The following NFAT5 variants were observed in gnomAD, a reference collection of about 807,000 sequenced individuals.
NFAT5 encodes the protein nuclear factor of activated T-cells 5.
A neutral mutation model predicts 166.5 loss-of-function variants in NFAT5; 31 were observed. The ratio of observed to expected loss-of-function variants is 0.19; its 90% CI spans 0.14 to 0.25. NFAT5 has a LOEUF of 0.25. Among genes scored for constraint, NFAT5 ranks in the 10% least tolerant of loss-of-function variants. The pLI, the probability that NFAT5 is intolerant of heterozygous loss-of-function variation, is 1.00. For synonymous variants in NFAT5, 612 were observed against 639.7 expected, an observed-to-expected ratio of 0.96 and a Z score of 0.65; for missense variants, 1,449 against 1,821.8, an observed-to-expected ratio of 0.80 and a Z score of 3.72.
chr16:69,652,317 T>G (rs1489539208), intron 4 of NFAT5, among the ~76,000 whole-genome samples: 1 of 152,018 alleles, frequency 6.6e-6, no homozygotes, highest in Non-Finnish European at 1.5e-5. Context: ...CTGGGCTTGG[T>G]GGCACACGCC....
chr16:69,601,959 C>T (rs1348383003), intron 2 of NFAT5, among the ~76,000 whole-genome samples: 1 of 152,090 alleles, frequency 6.6e-6, no homozygotes, highest in Non-Finnish European at 1.5e-5. Flanking sequence ...TAGATAAGAC[C>T]ACCCCCAAAC....
Position 69,620,029 on chromosome 16 carries a change from GTT to G in NFAT5, c.128-6372_128-6371del, listed in dbSNP as rs1186367254. 2.6e-5 allele frequency among the ~76,000 whole-genome samples: 4 copies of G among 152,184 alleles called. No individual in the cohort carries two copies. In the East Asian group the frequency reaches 5.8e-4, roughly 22 times the overall value. On this transcript the variant is annotated intron_variant, in intron 2 of 14. Coordinates refer to ENST00000349945, the MANE Select transcript of NFAT5 (RefSeq NM_138713.4). ...CAGTGACATAAATGGATCTATTATA[GTT>G]TACAGAATGACTAAACAAGCCAACC... is the stretch of plus-strand genomic sequence containing the variant.
intron 3 of NFAT5, 84 bp from the exon 4 acceptor site, chr16:69,646,944 C>A: frequency 8.5e-7 from 1 of 1,180,844 alleles, no homozygotes; most frequent in Non-Finnish European, 1.2e-6. Context: ...ACAATCAGTT[C>A]ACAAATCACA....
At chr16:69,575,536 C>G (rs918545179) in intron 2 of NFAT5, among the ~76,000 whole-genome samples, 1 of 151,862 alleles carries the variant, frequency 6.6e-6, no homozygotes, top group Non-Finnish European at 1.5e-5. Flanking sequence ...GAGCCCAGGA[C>G]GTCAAGGCTG....
At chr16:69,611,255 G>A (rs1042638121) in intron 2 of NFAT5, among the ~76,000 whole-genome samples, 6 of 152,260 alleles carry the variant, frequency 3.9e-5, no homozygotes, top group African/African-American at 1.4e-4. Context: ...GCTGTTAATA[G>A]CCATGGAACA....
intron 2 of NFAT5, among the ~76,000 whole-genome samples, chr16:69,610,798 A>G (rs1475696433): frequency 1.3e-5 from 2 of 152,220 alleles, no homozygotes; most frequent in Admixed American, 1.3e-4. Flanking sequence ...ATCCCTTAAA[A>G]CTACATTCAT....
intron 2 of NFAT5, among the ~76,000 whole-genome samples, chr16:69,596,764 T>C (rs1567528253): frequency 6.6e-6 from 1 of 152,038 alleles, no homozygotes; most frequent in Non-Finnish European, 1.5e-5. Flanking sequence ...CCATTTTTTT[T>C]CTCTAACTGC....
intron 2 of NFAT5, among the ~76,000 whole-genome samples, chr16:69,621,148 G>C (rs550656568): frequency 6.6e-6 from 1 of 152,058 alleles, no homozygotes; most frequent in Non-Finnish European, 1.5e-5. Context: ...TAGAAGCTAT[G>C]TGAAGAGAGA....
chr16:69,661,082 C>CTTTTTTT (rs765529666), intron 7 of NFAT5, among the ~76,000 whole-genome samples: 1 of 127,158 alleles, frequency 7.9e-6, no homozygotes, highest in Non-Finnish European at 1.6e-5. Flanking sequence ...CCCCACCACC[C>CTTTTTTT]TTTTTTTTTT....
chr16:69,585,850 G>A (rs1597357091), intron 2 of NFAT5, among the ~76,000 whole-genome samples: 1 of 152,172 alleles, frequency 6.6e-6, no homozygotes, highest in East Asian at 1.9e-4. Flanking sequence ...ACCAGGAGCT[G>A]GGGGTTGGGG....
At chr16:69,646,452 T>C in intron 3 of NFAT5, 1 of 679,278 alleles carries the variant, frequency 1.5e-6, no homozygotes, top group Non-Finnish European at 2.1e-6. Flanking sequence ...TTTCTCATTT[T>C]ATAATTGATA....
At chr16:69,672,399 C>T (rs916706141) in intron 9 of NFAT5, among the ~76,000 whole-genome samples, 1 of 152,156 alleles carries the variant, frequency 6.6e-6, no homozygotes, top group African/African-American at 2.4e-5. Context: ...AAGATAAGCG[C>T]TTTCATTAGA....
chr16:69,695,347 G>C lies in NFAT5; in HGVS notation c.4626G>C (p.Gly1542=), dbSNP rs758918496. ...IDLLVSLQNQ[G]NNLTGSF is the part of the protein sequence containing the mutation. Reference sequence around the variant, plus strand: ...TGCTTGTTTCATTGCAAAACCAAGGGAACAACTTGACTGGCTCCTTTTAAC... The same window carrying C: ...TGCTTGTTTCATTGCAAAACCAAGGCAACAACTTGACTGGCTCCTTTTAAC... The change falls in exon 14 of 15, where the codon GGG becomes GGC. Residue 1542 remains glycine (G), a synonymous_variant. Coordinates refer to ENST00000349945, the MANE Select transcript of NFAT5 (RefSeq NM_138713.4). The C allele has an allele frequency of 1.2e-6, 2 of 1,613,860 alleles. No homozygotes were observed. The highest frequency in any genetic ancestry group is 1.1e-5 in the South Asian group (1 of 91,080).
At chr16:69,660,673 A>G (rs2036083654) in intron 7 of NFAT5, among the ~76,000 whole-genome samples, 1 of 152,200 alleles carries the variant, frequency 6.6e-6, no homozygotes, top group South Asian at 2.1e-4. Flanking sequence ...CATGGATAGA[A>G]AATGATGTGT....
At chr16:69,606,112 C>T (rs969647440) in intron 2 of NFAT5, among the ~76,000 whole-genome samples, 2 of 152,276 alleles carry the variant, frequency 1.3e-5, no homozygotes, top group South Asian at 4.1e-4. Context: ...AGTTCTTTCT[C>T]ATTAAATTTG....
Position 69,566,387 on chromosome 16 carries a change from G to GT in NFAT5, c.73+14dup. 6.4e-7 allele frequency: 1 copy of GT among 1,572,100 alleles called. No homozygotes were observed. The highest frequency in any genetic ancestry group is 8.7e-7 in the Non-Finnish European group (1 of 1,153,774). On this transcript the variant is annotated intron_variant, in intron 1 of 14. Coordinates refer to ENST00000349945, the MANE Select transcript of NFAT5 (RefSeq NM_138713.4). This position sits in a 1 kb window ranked among gnomAD's most constrained non-coding sequence, Gnocchi z 5.7. ...CTCTACTCGCGAGGTGAGTCAGGCTGTGGGGGGTGGGGCGTGGGGGCGGGG... is the reference window on the plus strand; with the variant it reads ...CTCTACTCGCGAGGTGAGTCAGGCTGTTGGGGGGTGGGGCGTGGGGGCGGGG...
At chr16:69,622,194 A>G (rs1045939753) in intron 2 of NFAT5, among the ~76,000 whole-genome samples, 7 of 152,128 alleles carry the variant, frequency 4.6e-5, no homozygotes, top group African/African-American at 1.4e-4. Context: ...TTTAGAGGGA[A>G]TATCTTTGGG....
rs189837270 is a variant in NFAT5 at position 69,604,018 on chromosome 16, G to A, written c.128-22385G>A. Among the ~76,000 whole-genome samples the A allele has an allele frequency of 4.6e-5, 7 of 151,924 alleles. No individual in the cohort carries two copies. The East Asian group carries it at 1.2e-3, about 25-fold the overall frequency. ...ATATTTGTTTTAATTCTTTCTAATAGCCTAGGTCAGTGGATTCTTGGATTA... is the reference window on the plus strand; with the variant it reads ...ATATTTGTTTTAATTCTTTCTAATAACCTAGGTCAGTGGATTCTTGGATTA... On this transcript the variant is annotated intron_variant, in intron 2 of 14. Coordinates refer to ENST00000349945, the MANE Select transcript of NFAT5 (RefSeq NM_138713.4).
At chr16:69,676,745 CT>C (rs2036847507) in intron 9 of NFAT5, 1 of 152,704 alleles carries the variant, frequency 6.5e-6, no homozygotes, top group Non-Finnish European at 1.5e-5. Flanking sequence ...AAGGGTTTTG[CT>C]TTAAATAGGA....
Sources: gnomAD v4.1 joint callset for allele counts (sites outside exome capture counted in the v4.1 genomes callset) on GRCh38, gnomAD v4.1.1 for gene constraint, Gnocchi (gnomAD v3.1) non-coding constraint, MANE v1.5 for transcripts, NCBI Gene and HGNC (gene_info 2026-07-23, HGNC 2026-07-21) for gene names.